DLGAP2: variants seen among roughly 807,000 people sequenced by gnomAD.
The protein encoded by DLGAP2 is DLG associated protein 2.
A neutral mutation model predicts 100.3 loss-of-function variants in DLGAP2; 26 were observed. That is an observed-to-expected ratio of 0.26 (90% CI 0.19 to 0.36). The LOEUF is 0.36. DLGAP2 is among the 10% of genes least tolerant of loss of function. DLGAP2 has a pLI of 1.00. For missense variants in DLGAP2, 1,858 were observed against 1,453.2 expected (o/e 1.28, Z -4.53); for synonymous variants, 886 against 630.1 (o/e 1.41, Z -6.08).
chr8:1,591,205 C>G (rs1197178558), intron 6 of DLGAP2, among the ~76,000 whole-genome samples: 1 of 152,188 alleles, frequency 6.6e-6, no homozygotes, highest in Non-Finnish European at 1.5e-5. Flanking sequence ...AAGTTCTGTT[C>G]TTCCCTTCCC....
At chr8:1,646,099 G>C (rs1280047482) in intron 8 of DLGAP2, among the ~76,000 whole-genome samples, 1 of 152,188 alleles carries the variant, frequency 6.6e-6, no homozygotes, top group East Asian at 1.9e-4. Flanking sequence ...GTGTGTCTGA[G>C]AGGGTGACTC....
intron 8 of DLGAP2, among the ~76,000 whole-genome samples, chr8:1,639,504 A>G (rs756995873): frequency 2.6e-5 from 4 of 152,170 alleles, no homozygotes; most frequent in Non-Finnish European, 5.9e-5. Context: ...TGGTGTCCAT[A>G]AGCCCTGCAC....
At chr8:1,071,683 A>G (rs1309494656) in intron 2 of DLGAP2, among the ~76,000 whole-genome samples, 1 of 152,162 alleles carries the variant, frequency 6.6e-6, no homozygotes, top group Non-Finnish European at 1.5e-5. Context: ...ATATTGTACA[A>G]CTTGTTAGGA....
chr8:1,569,845 G>T (rs531873524), intron 6 of DLGAP2, among the ~76,000 whole-genome samples: 1 of 152,130 alleles, frequency 6.6e-6, no homozygotes, highest in East Asian at 1.9e-4. Context: ...TTCTGCGGAG[G>T]GCAGGATAGA....
intron 3 of DLGAP2, among the ~76,000 whole-genome samples, chr8:1,385,015 G>T (rs11996508): frequency 1.2e-4 from 6 of 51,646 alleles, no homozygotes; most frequent in African/African-American, 2.3e-4. Context: ...CCTATGCCCG[G>T]CCCCTGAGAA....
At chr8:1,439,678 G>A (rs1008838203) in intron 3 of DLGAP2, among the ~76,000 whole-genome samples, 5 of 152,138 alleles carry the variant, frequency 3.3e-5, no homozygotes, top group Admixed American at 6.5e-5. Context: ...AAACGGCAAC[G>A]TGAGCAGTAT....
intron 3 of DLGAP2, among the ~76,000 whole-genome samples, chr8:1,269,955 C>A (rs1799545924): frequency 6.6e-6 from 1 of 152,184 alleles, no homozygotes. Context: ...CATGCAGAAT[C>A]CTGTGTGTGG....
chr8:808,905 CTTTTTTTT>C (rs539422380), intron 1 of DLGAP2, among the ~76,000 whole-genome samples: 1 of 130,416 alleles, frequency 7.7e-6, no homozygotes, highest in South Asian at 2.5e-4. Context: ...CTGTTGCTGC[CTTTTTTTT>C]TTTTTTTTTC....
chr8:971,677 C>T (rs1447250228), intron 2 of DLGAP2, among the ~76,000 whole-genome samples: 3 of 152,134 alleles, frequency 2.0e-5, no homozygotes, highest in Non-Finnish European at 4.4e-5. Context: ...CATACTTCTG[C>T]CAGGAATAGG....
At chr8:943,042 G>T (rs546762069) in intron 2 of DLGAP2, among the ~76,000 whole-genome samples, 4 of 152,204 alleles carry the variant, frequency 2.6e-5, no homozygotes, top group African/African-American at 9.6e-5. Context: ...TTGAGCTTGC[G>T]TGACTGACCA....
At chr8:1,354,175 A>G (rs1801796502) in intron 3 of DLGAP2, among the ~76,000 whole-genome samples, 2 of 152,306 alleles carry the variant, frequency 1.3e-5, no homozygotes, top group South Asian at 4.2e-4. Context: ...GTTAAAAACA[A>G]CCTGCTCACC....
chr8:1,193,192 A>G (rs927188345), intron 2 of DLGAP2, among the ~76,000 whole-genome samples: 1 of 152,118 alleles, frequency 6.6e-6, no homozygotes, highest in Non-Finnish European at 1.5e-5. Context: ...ATAACCGGTA[A>G]TGGGATTGCT....
chr8:1,062,658 C>T (rs1201373880), intron 2 of DLGAP2, among the ~76,000 whole-genome samples: 1 of 152,178 alleles, frequency 6.6e-6, no homozygotes, highest in Non-Finnish European at 1.5e-5. Context: ...CTCCCTCCCT[C>T]CTGGCCATAG....
intron 6 of DLGAP2, among the ~76,000 whole-genome samples, chr8:1,597,565 C>T (rs1332679700): frequency 6.6e-6 from 1 of 152,018 alleles, no homozygotes; most frequent in Non-Finnish European, 1.5e-5. Flanking sequence ...TTGTAGTTCT[C>T]CTTGAAGAGG....
At chr8:1,476,680 GCCCGTTA>G (rs1798939127) in intron 3 of DLGAP2, among the ~76,000 whole-genome samples, 2 of 151,366 alleles carry the variant, frequency 1.3e-5, no homozygotes, top group Admixed American at 6.6e-5. Flanking sequence ...CAACCCACCA[GCCCGTTA>G]TGCAGACCCA....
intron 1 of DLGAP2, among the ~76,000 whole-genome samples, chr8:803,312 G>A (rs1585881015): frequency 6.6e-6 from 1 of 152,146 alleles, no homozygotes; most frequent in Non-Finnish European, 1.5e-5. Flanking sequence ...TAGAATTATA[G>A]TATATTCCTT....
intron 2 of DLGAP2, among the ~76,000 whole-genome samples, chr8:1,174,606 C>T (rs542717629): frequency 5.1e-4 from 77 of 151,998 alleles, no homozygotes; most frequent in Non-Finnish European, 9.0e-4. Flanking sequence ...ATCATCATTA[C>T]ATCACCAAAA....
intron 2 of DLGAP2, among the ~76,000 whole-genome samples, chr8:938,340 G>A (rs947262727): frequency 2.0e-5 from 3 of 152,162 alleles, no homozygotes; most frequent in Non-Finnish European, 4.4e-5. Flanking sequence ...AGGACTACAG[G>A]TATGCGCCAC....
At chr8:1,443,798 C>A (rs940021797) in intron 3 of DLGAP2, among the ~76,000 whole-genome samples, 2 of 152,068 alleles carry the variant, frequency 1.3e-5, no homozygotes, top group African/African-American at 4.8e-5. Context: ...ACCCTTGACA[C>A]GTGGGGATTA....
Sources: allele counts gnomAD v4.1 joint callset (sites outside exome capture counted in the v4.1 genomes callset), GRCh38; gene constraint gnomAD v4.1.1; transcripts MANE v1.5; gene names NCBI Gene and HGNC (gene_info 2026-07-23, HGNC 2026-07-21).